Variants in HCN1 observed in about 807,000 individuals in gnomAD.
HCN1 encodes the protein hyperpolarization activated cyclic nucleotide gated potassium channel 1.
HCN1 carries 13 observed loss-of-function variants against 78.9 expected under a neutral mutation model. That is an observed-to-expected ratio of 0.16 (90% CI 0.11 to 0.26). HCN1 has a LOEUF of 0.26. Among genes scored for constraint, HCN1 ranks in the 10% least tolerant of loss-of-function variants. The pLI, the probability that HCN1 is intolerant of heterozygous loss-of-function variation, is 1.00. For missense variants in HCN1, 810 were observed against 1,154.3 expected (o/e 0.70, Z 4.32); for synonymous variants, 552 against 455.5 (o/e 1.21, Z -2.70).
chr5:45,478,545 G>T (rs1252598698), intron 2 of HCN1, among the ~76,000 whole-genome samples: 2 of 152,128 alleles, frequency 1.3e-5, no homozygotes, highest in Non-Finnish European at 2.9e-5. Flanking sequence ...AAAAAGGTTG[G>T]ATAAGGTGAT....
At chr5:45,288,210 A>C (rs1745305555) in intron 6 of HCN1, among the ~76,000 whole-genome samples, 1 of 152,056 alleles carries the variant, frequency 6.6e-6, no homozygotes, top group Admixed American at 6.6e-5. Context: ...AAAAAGTGGC[A>C]GTTATTTTTT....
intron 3 of HCN1, among the ~76,000 whole-genome samples, chr5:45,400,739 C>A (rs1739777723): frequency 6.6e-6 from 1 of 152,010 alleles, no homozygotes; most frequent in Admixed American, 6.6e-5. Context: ...AAATCATTAG[C>A]AACTTTTCTA....
intron 2 of HCN1, among the ~76,000 whole-genome samples, chr5:45,539,396 C>T (rs1743042250): frequency 6.6e-6 from 1 of 151,264 alleles, no homozygotes; most frequent in African/African-American, 2.4e-5. Flanking sequence ...GGTGTGGTGG[C>T]TCACGCCTGT....
chr5:45,370,381 TA>T (rs1747328915), intron 4 of HCN1, among the ~76,000 whole-genome samples: 1 of 152,006 alleles, frequency 6.6e-6, no homozygotes, highest in African/African-American at 2.4e-5. Flanking sequence ...TTTTCTATAT[TA>T]AAGTAGATAT....
intron 4 of HCN1, among the ~76,000 whole-genome samples, chr5:45,371,153 C>T (rs1203097579): frequency 1.3e-5 from 2 of 151,894 alleles, no homozygotes; most frequent in African/African-American, 4.8e-5. Flanking sequence ...GTTTATAACA[C>T]CAAATGCCCA....
At chr5:45,423,501 T>C (rs1182367874) in intron 3 of HCN1, among the ~76,000 whole-genome samples, 1 of 152,218 alleles carries the variant, frequency 6.6e-6, no homozygotes, top group African/African-American at 2.4e-5. Context: ...CATCAGTGTT[T>C]CTCCTAAGGA....
intron 2 of HCN1, among the ~76,000 whole-genome samples, chr5:45,579,429 T>TA (rs1318671486): frequency 2.0e-5 from 3 of 152,032 alleles, no homozygotes; most frequent in Non-Finnish European, 4.4e-5. Flanking sequence ...AGACACACAG[T>TA]AAATGAACCT....
intron 2 of HCN1, among the ~76,000 whole-genome samples, chr5:45,596,319 G>A (rs1744493924): frequency 6.6e-6 from 1 of 152,146 alleles, no homozygotes; most frequent in Non-Finnish European, 1.5e-5. Flanking sequence ...AAAAGGCAGT[G>A]CATGAACAGG....
intron 5 of HCN1, among the ~76,000 whole-genome samples, chr5:45,344,648 C>A (rs1172476363): frequency 6.6e-6 from 1 of 152,218 alleles, no homozygotes; most frequent in African/African-American, 2.4e-5. Flanking sequence ...GCAGTCAAAT[C>A]TTAAAGCTCC....
intron 6 of HCN1, among the ~76,000 whole-genome samples, chr5:45,295,901 T>C (rs1214141521): frequency 6.6e-6 from 1 of 152,048 alleles, no homozygotes; most frequent in Non-Finnish European, 1.5e-5. Flanking sequence ...GATTGTATAA[T>C]ATGTATAGCT....
At chr5:45,394,970 T>A (rs546934933) in intron 4 of HCN1, among the ~76,000 whole-genome samples, 1 of 152,284 alleles carries the variant, frequency 6.6e-6, no homozygotes, top group Non-Finnish European at 1.5e-5. Flanking sequence ...CATAACATCT[T>A]TGCATACAAA....
At chr5:45,431,412 T>C (rs1453268588) in intron 3 of HCN1, among the ~76,000 whole-genome samples, 5 of 152,176 alleles carry the variant, frequency 3.3e-5, no homozygotes, top group Admixed American at 1.3e-4. Context: ...TAGGTTCTTT[T>C]GCTGTGCAGA....
At chr5:45,572,509 T>A (rs961278092) in intron 2 of HCN1, among the ~76,000 whole-genome samples, 14 of 152,302 alleles carry the variant, frequency 9.2e-5, no homozygotes, top group African/African-American at 3.1e-4. Context: ...TTTAAAAAGA[T>A]AAAAAGAAGT....
chr5:45,347,769 T>C (rs1746781009), intron 5 of HCN1, among the ~76,000 whole-genome samples: 2 of 151,958 alleles, frequency 1.3e-5, no homozygotes, highest in Admixed American at 6.5e-5. Context: ...GTATCAGTGA[T>C]GGAAGATGAA....
At chr5:45,502,115 A>G (rs1043401729) in intron 2 of HCN1, among the ~76,000 whole-genome samples, 5 of 152,198 alleles carry the variant, frequency 3.3e-5, no homozygotes, top group African/African-American at 1.2e-4. Flanking sequence ...ATAGCCTCAC[A>G]AATTAAAATC....
At chr5:45,637,591 G>A (rs1745378990) in intron 2 of HCN1, among the ~76,000 whole-genome samples, 1 of 150,724 alleles carries the variant, frequency 6.6e-6, no homozygotes, top group Non-Finnish European at 1.5e-5. Context: ...CATTATAGAT[G>A]GAACTAATTG....
intron 2 of HCN1, among the ~76,000 whole-genome samples, chr5:45,640,428 G>A (rs780077804): frequency 1.3e-5 from 2 of 152,056 alleles, no homozygotes; most frequent in Non-Finnish European, 2.9e-5. Flanking sequence ...CAAAAGGAAA[G>A]CAAAATGTGT....
At chr5:45,566,392 CTAGA>C (rs1743707484) in intron 2 of HCN1, among the ~76,000 whole-genome samples, 1 of 152,028 alleles carries the variant, frequency 6.6e-6, no homozygotes, top group South Asian at 2.1e-4. Flanking sequence ...ATTTTTATTA[CTAGA>C]TAGTTTACTA....
chr5:45,370,440 G>T (rs1367894206), intron 4 of HCN1, among the ~76,000 whole-genome samples: 1 of 151,874 alleles, frequency 6.6e-6, no homozygotes, highest in Non-Finnish European at 1.5e-5. Flanking sequence ...ACTGTTATAG[G>T]TCATAGTAGA....
Sources: allele counts gnomAD v4.1 joint callset (sites outside exome capture counted in the v4.1 genomes callset), GRCh38; gene constraint gnomAD v4.1.1; transcripts MANE v1.5; gene names NCBI Gene and HGNC (gene_info 2026-07-23, HGNC 2026-07-21).